Variants in CMTM8 observed in about 807,000 individuals in gnomAD.
The protein encoded by CMTM8 is CKLF-like MARVEL transmembrane domain-containing protein 8.
CMTM8 carries 12 observed loss-of-function variants against 18.6 expected under a neutral mutation model. That is an observed-to-expected ratio of 0.65 (90% confidence interval 0.41 to 1.05). The LOEUF (loss-of-function observed/expected upper bound fraction) is 1.05. CMTM8 is among the 50% of genes least tolerant of loss of function. The pLI is 0.00. For synonymous variants in CMTM8, 87 were observed against 90.6 expected, an observed-to-expected ratio of 0.96 and a Z score of 0.23; for missense variants, 217 against 227.2, an observed-to-expected ratio of 0.95 and a Z score of 0.29.
At chr3:32,309,306 T>TG (rs1486280990) in intron 1 of CMTM8, among the ~76,000 whole-genome samples, 1 of 144,176 alleles carries the variant, frequency 6.9e-6, no homozygotes, top group African/African-American at 2.6e-5. Flanking sequence ...ACCAATTTTT[T>TG]TTTTTTTTTT....
Position 32,238,878 on chromosome 3 carries a change from C to T in CMTM8, c.-95C>T. The T allele has an allele frequency of 5.8e-6, 7 of 1,208,086 alleles. No homozygotes were observed. The South Asian group carries it at 9.7e-5, about 17-fold the overall frequency. The allele number at this position is 1,208,086 out of a possible 1,614,324, so 74.8% of individuals were successfully genotyped here. On this transcript the variant is annotated 5_prime_UTR_variant, in exon 1 of 4. Coordinates refer to ENST00000307526, the MANE Select transcript of CMTM8 (RefSeq NM_178868.5). ...TGCCCCGCGCGGGCCGCGCTCCCCT[C>T]CCCCGCGCCTGTGTCCCCAGGGCGC...
chr3:32,297,622 A>G (rs541047729), intron 1 of CMTM8, among the ~76,000 whole-genome samples: 1 of 152,160 alleles, frequency 6.6e-6, no homozygotes, highest in African/African-American at 2.4e-5. Context: ...CAGACACTCC[A>G]GGCTGCTTTG....
chr3:32,330,649 A>G (rs908244750), intron 1 of CMTM8, among the ~76,000 whole-genome samples: 2 of 152,200 alleles, frequency 1.3e-5, no homozygotes, highest in East Asian at 3.8e-4. Context: ...TTCCTAATTT[A>G]TGATCAATAT....
chr3:32,282,009 C>T (rs1324959818), intron 1 of CMTM8, among the ~76,000 whole-genome samples: 4 of 152,106 alleles, frequency 2.6e-5, no homozygotes, highest in African/African-American at 9.7e-5. Flanking sequence ...ACACTCATTC[C>T]CTCAGAATCA....
At chr3:32,317,438 G>A (rs1293259875) in intron 1 of CMTM8, among the ~76,000 whole-genome samples, 1 of 152,220 alleles carries the variant, frequency 6.6e-6, no homozygotes, top group East Asian at 1.9e-4. Context: ...TACTGCTAAA[G>A]GGAAGGAGGT....
rs567146373 is a variant in CMTM8, at chr3:32,272,140, A to C, written c.147+33021A>C. 2.6e-5 allele frequency among the ~76,000 whole-genome samples: 4 copies of C among 152,320 alleles called. No individual in the cohort carries two copies. The East Asian group carries it at 7.7e-4, about 29-fold the overall frequency. ...TTTTTGTCTCAGTGCATTTGAAAGTATCATTCTTCTATCTTACTGGTCTCC... is the reference window on the plus strand; with the variant it reads ...TTTTTGTCTCAGTGCATTTGAAAGTCTCATTCTTCTATCTTACTGGTCTCC... On this transcript the variant is annotated intron_variant, in intron 1 of 3. Coordinates refer to ENST00000307526, the MANE Select transcript of CMTM8 (RefSeq NM_178868.5).
intron 1 of CMTM8, among the ~76,000 whole-genome samples, chr3:32,251,125 G>T (rs1398444446): frequency 1.3e-5 from 2 of 152,116 alleles, no homozygotes; most frequent in Non-Finnish European, 2.9e-5. Flanking sequence ...ACTTGTTTGG[G>T]GTGGGAGATA....
intron 1 of CMTM8, among the ~76,000 whole-genome samples, chr3:32,278,560 C>A (rs1702555371): frequency 1.3e-5 from 2 of 152,132 alleles, no homozygotes; most frequent in Non-Finnish European, 2.9e-5. Context: ...TTTCAACACA[C>A]CTCCATGCTT....
intron 1 of CMTM8, among the ~76,000 whole-genome samples, chr3:32,269,396 G>A (rs1252790325): frequency 6.6e-6 from 1 of 152,214 alleles, no homozygotes. Flanking sequence ...ATATTGAGCA[G>A]TTTTCATTTT....
chr3:32,347,647 T>A (rs938145270), intron 1 of CMTM8, among the ~76,000 whole-genome samples: 4 of 152,220 alleles, frequency 2.6e-5, no homozygotes, highest in Admixed American at 6.6e-5. Flanking sequence ...TCACGTCACA[T>A]AATCAGAGTT....
At chr3:32,282,675 A>G (rs903720173) in intron 1 of CMTM8, among the ~76,000 whole-genome samples, 1 of 152,086 alleles carries the variant, frequency 6.6e-6, no homozygotes, top group African/African-American at 2.4e-5. Flanking sequence ...ATGTGTCATG[A>G]TATTCCACTT....
chr3:32,325,869 G>A (rs1575177536), intron 1 of CMTM8, among the ~76,000 whole-genome samples: 1 of 152,202 alleles, frequency 6.6e-6, no homozygotes, highest in South Asian at 2.1e-4. Context: ...AAAGGGGTGA[G>A]CAGCTAACTG....
rs1209513548 is a variant in CMTM8 at position 32,253,454 on chromosome 3, C to T, written c.147+14335C>T. ...TTGCCTCTAAGGTTCAAGTGATTCT[C>T]CTGCCTCAGCCTCCCTAGTAGCTGG... On this transcript the variant is annotated intron_variant, in intron 1 of 3. Coordinates refer to ENST00000307526, the MANE Select transcript of CMTM8 (RefSeq NM_178868.5). Among the ~76,000 whole-genome samples the T allele has an allele frequency of 5.3e-5, 8 of 150,964 alleles. No homozygotes were observed. The East Asian group carries it at 9.8e-4, about 19-fold the overall frequency.
intron 1 of CMTM8, chr3:32,259,802 G>A (rs796693402): frequency 3.6e-5 from 30 of 832,898 alleles, no homozygotes; most frequent in Non-Finnish European, 5.8e-5. Context: ...GTCCGCCGAG[G>A]TTGGAGCTGC....
chr3:32,340,862 C>T (rs1402302278), intron 1 of CMTM8, among the ~76,000 whole-genome samples: 2 of 152,226 alleles, frequency 1.3e-5, no homozygotes, highest in Admixed American at 6.5e-5. Flanking sequence ...GGGACCCAAG[C>T]CTCATTCACC....
chr3:32,255,970 C>T (rs562120403), intron 1 of CMTM8, among the ~76,000 whole-genome samples: 75 of 152,304 alleles, frequency 4.9e-4, no homozygotes, highest in African/African-American at 1.8e-3. Context: ...TCAAGCAATA[C>T]GCCTGCGTTG....
rs958036839 is a variant in CMTM8 at position 32,304,015 on chromosome 3, T to C, written c.148-53358T>C. ...AATGTCCTTTACTTCAGCCTTTTGTTTGAGGATCCAGTCAAGGATCGACAG... is the reference window on the plus strand; with the variant it reads ...AATGTCCTTTACTTCAGCCTTTTGTCTGAGGATCCAGTCAAGGATCGACAG... On this transcript the variant is annotated intron_variant, in intron 1 of 3. Coordinates refer to ENST00000307526, the MANE Select transcript of CMTM8 (RefSeq NM_178868.5). Among the ~76,000 whole-genome samples the C allele has an allele frequency of 3.9e-5, 6 of 152,226 alleles. No homozygotes were observed. The East Asian group carries it at 1.2e-3, about 29-fold the overall frequency.
chr3:32,319,074 A>ATATATATAAATATTTTTTTTTTT, intron 1 of CMTM8, among the ~76,000 whole-genome samples: 1 of 31,530 alleles, frequency 3.2e-5, no homozygotes, highest in African/African-American at 1.5e-4. Context: ...ATATATATAT[A>ATATATATAAATATTTTTTTTTTT]TTTTTTTTTT....
intron 1 of CMTM8, among the ~76,000 whole-genome samples, chr3:32,312,664 A>G (rs1695842224): frequency 6.6e-6 from 1 of 152,034 alleles, no homozygotes; most frequent in South Asian, 2.1e-4. Context: ...AGATTAAATC[A>G]CTGGCCATTG....
Sources: gnomAD v4.1 joint callset for allele counts (sites outside exome capture counted in the v4.1 genomes callset) on GRCh38, gnomAD v4.1.1 for gene constraint, MANE v1.5 for transcripts, NCBI Gene and HGNC (gene_info 2026-07-23, HGNC 2026-07-21) for gene names.